Variants in NRXN3 observed in about 807,000 individuals in gnomAD.
NRXN3 encodes neurexin 3.
A neutral mutation model predicts 137.6 loss-of-function variants in NRXN3; 32 were observed. That is an observed-to-expected ratio of 0.23 (90% CI 0.18 to 0.31). The LOEUF is 0.31. NRXN3 is among the 10% of genes least tolerant of loss of function. The pLI is 1.00. For synonymous variants in NRXN3, 798 were observed against 784.5 expected, an observed-to-expected ratio of 1.02 and a Z score of -0.29; for missense variants, 1,574 against 2,062.5, an observed-to-expected ratio of 0.76 and a Z score of 4.59.
intron 10 of NRXN3, among the ~76,000 whole-genome samples, chr14:78,911,435 A>T (rs2099237256): frequency 6.6e-6 from 1 of 152,204 alleles, no homozygotes; most frequent in African/African-American, 2.4e-5. Flanking sequence ...CCTCTGTGAT[A>T]TTCCAGTACT....
intron 1 of NRXN3, among the ~76,000 whole-genome samples, chr14:78,228,584 A>G (rs1473075647): frequency 1.3e-5 from 2 of 152,176 alleles, no homozygotes; most frequent in Admixed American, 6.5e-5. Context: ...ATTTTATTCC[A>G]TACTGAATCC....
chr14:78,556,279 G>A (rs2096736258), intron 4 of NRXN3, among the ~76,000 whole-genome samples: 2 of 152,120 alleles, frequency 1.3e-5, no homozygotes, highest in Admixed American at 1.3e-4. Flanking sequence ...TGGTTAAATT[G>A]GAAATTGCTC....
Position 79,641,431 on chromosome 14 carries a change from G to A in NRXN3, c.3445-22347G>A, listed in dbSNP as rs756966128. 1.1e-4 allele frequency among the ~76,000 whole-genome samples: 15 copies of A among 135,632 alleles called. 4 individuals carry two copies. Among genetic ancestry groups the A allele is most frequent in the Non-Finnish European group, 2.2e-4 (13 of 58,366 alleles). 89.0% of individuals were successfully genotyped at this position (135,632 alleles called of 152,430 possible). A position where few individuals can be genotyped will look rare whatever the true frequency, so the allele number is the denominator to read the frequency against. On this transcript the variant is annotated intron_variant, in intron 16 of 20. Transcript: ENST00000335750. ...TTATTTCCTAAAACTGAGTGTATTC[G>A]TTATTGTCTAATGACACAGCATAAC... is the stretch of plus-strand genomic sequence containing the variant.
At chr14:79,161,022 T>C (rs1306333811) in intron 15 of NRXN3, among the ~76,000 whole-genome samples, 1 of 151,998 alleles carries the variant, frequency 6.6e-6, no homozygotes, top group African/African-American at 2.4e-5. Flanking sequence ...CTCTTACGTC[T>C]ATTGCTAAGG....
At chr14:79,565,794 G>A (rs1217028689) in intron 16 of NRXN3, among the ~76,000 whole-genome samples, 2 of 152,074 alleles carry the variant, frequency 1.3e-5, no homozygotes, top group African/African-American at 4.8e-5. Context: ...AAAAGAATAA[G>A]GCTAGTGTAG....
intron 4 of NRXN3, among the ~76,000 whole-genome samples, chr14:78,408,134 T>C (rs2092608364): frequency 6.6e-6 from 1 of 152,184 alleles, no homozygotes; most frequent in African/African-American, 2.4e-5. Flanking sequence ...CAAGTTCATG[T>C]GAAACAAACT....
At chr14:79,042,802 C>T (rs1033745476) in intron 15 of NRXN3, among the ~76,000 whole-genome samples, 4 of 152,064 alleles carry the variant, frequency 2.6e-5, no homozygotes, top group African/African-American at 9.7e-5. Context: ...TGGGTTATTG[C>T]AAATTCTTGT....
At chr14:78,494,550 G>A (rs1414698990) in intron 4 of NRXN3, among the ~76,000 whole-genome samples, 1 of 151,946 alleles carries the variant, frequency 6.6e-6, no homozygotes, top group African/African-American at 2.4e-5. Flanking sequence ...AAGGGTTGAA[G>A]TGGGGGAAGA....
intron 6 of NRXN3, among the ~76,000 whole-genome samples, chr14:78,687,923 C>A (rs1405836376): frequency 6.6e-6 from 1 of 152,188 alleles, no homozygotes; most frequent in African/African-American, 2.4e-5. Flanking sequence ...ACACCAATGA[C>A]TCTATAGTAT....
intron 4 of NRXN3, among the ~76,000 whole-genome samples, chr14:78,575,294 G>A (rs1192793981): frequency 6.6e-6 from 1 of 152,124 alleles, no homozygotes; most frequent in East Asian, 1.9e-4. Flanking sequence ...ATCATAGGAT[G>A]GTAATATAAT....
chr14:78,494,119 A>G (rs535837240), intron 4 of NRXN3, among the ~76,000 whole-genome samples: 108 of 152,328 alleles, frequency 7.1e-4, no homozygotes, highest in African/African-American at 2.5e-3. Flanking sequence ...CCTAGTCCCC[A>G]TCCATAGCAG....
chr14:79,243,909 C>A (rs1378002699), intron 15 of NRXN3, among the ~76,000 whole-genome samples: 1 of 152,074 alleles, frequency 6.6e-6, no homozygotes, highest in Admixed American at 6.6e-5. Context: ...AAAATCTGAA[C>A]CCCTGCTCTC....
chr14:78,885,848 A>G (rs1482318010), intron 10 of NRXN3, among the ~76,000 whole-genome samples: 3 of 152,084 alleles, frequency 2.0e-5, no homozygotes, highest in Admixed American at 1.3e-4. Context: ...TAGCCCAAGA[A>G]AAGAGTTTAA....
intron 19 of NRXN3, among the ~76,000 whole-genome samples, chr14:79,746,191 A>G (rs2098979201): frequency 6.6e-6 from 1 of 152,160 alleles, no homozygotes. Context: ...TTGCTGAAAC[A>G]TAATAATTGC....
chr14:79,085,795 G>T (rs754354075), intron 15 of NRXN3, among the ~76,000 whole-genome samples: 7 of 152,182 alleles, frequency 4.6e-5, no homozygotes, highest in Non-Finnish European at 1.0e-4. Flanking sequence ...TTCCAGAAAA[G>T]ATTCATATTG....
chr14:79,611,194 G>A lies in NRXN3; in HGVS notation c.3445-52584G>A, dbSNP rs377220859. On this transcript the variant is annotated intron_variant, in intron 16 of 20. Transcript: ENST00000335750. ...CATGGACGGGCTTTAGGGCTCAGTT[G>A]CTAAAGAGATAGAAGTAAAATATTA... is the stretch of plus-strand genomic sequence containing the variant. Among the ~76,000 whole-genome samples the A allele has an allele frequency of 1.1e-3, 167 of 152,334 alleles. 3 individuals carry two copies. In the Middle Eastern group the frequency reaches 0.027, roughly 25 times the overall value.
chr14:79,469,390 C>A (rs1466708088), intron 16 of NRXN3, among the ~76,000 whole-genome samples: 1 of 152,016 alleles, frequency 6.6e-6, no homozygotes, highest in Non-Finnish European at 1.5e-5. Context: ...TTTAATATAC[C>A]ATTATAAAGC....
At chr14:79,714,539 A>G (rs1275236370) in intron 19 of NRXN3, among the ~76,000 whole-genome samples, 1 of 152,196 alleles carries the variant, frequency 6.6e-6, no homozygotes, top group Non-Finnish European at 1.5e-5. Context: ...TTTGACTCAA[A>G]TAACTATAGG....
chr14:79,059,311 A>C (rs1335133191), intron 15 of NRXN3, among the ~76,000 whole-genome samples: 1 of 131,848 alleles, frequency 7.6e-6, no homozygotes, highest in Non-Finnish European at 1.5e-5. Context: ...AGGCTGGAGT[A>C]CAGTGGCACC....
Sources: allele counts gnomAD v4.1 joint callset (sites outside exome capture counted in the v4.1 genomes callset), GRCh38; gene constraint gnomAD v4.1.1; transcripts MANE v1.5; gene names NCBI Gene and HGNC (gene_info 2026-07-23, HGNC 2026-07-21).